Variants in HS3ST4 observed in about 807,000 individuals in gnomAD.
The protein encoded by HS3ST4 is heparan sulfate glucosamine 3-O-sulfotransferase 4.
HS3ST4 carries 17 observed loss-of-function variants against 29.2 expected under a neutral mutation model. That is an observed-to-expected ratio of 0.58 (90% CI 0.40 to 0.87). The LOEUF (loss-of-function observed/expected upper bound fraction) is 0.87. HS3ST4 is among the 40% of genes least tolerant of loss of function. The pLI is 0.00. For synonymous variants in HS3ST4, 314 were observed against 285.7 expected (o/e 1.10, Z -1.00); for missense variants, 627 against 634.5 (o/e 0.99, Z 0.13).
At chr16:25,752,804 C>A (rs1966730680) in intron 1 of HS3ST4, among the ~76,000 whole-genome samples, 1 of 152,160 alleles carries the variant, frequency 6.6e-6, no homozygotes, top group Non-Finnish European at 1.5e-5. Context: ...ATATCTGCAC[C>A]AGCTAGTCTT....
intron 1 of HS3ST4, among the ~76,000 whole-genome samples, chr16:25,818,364 C>T (rs1443514077): frequency 2.0e-5 from 3 of 152,146 alleles, no homozygotes; most frequent in Non-Finnish European, 4.4e-5. Context: ...CATCTATAAA[C>T]CAGAAAGCAG....
Position 25,741,594 on chromosome 16 carries a change from A to G in HS3ST4, c.734+48443A>G, listed in dbSNP as rs549114366. On this transcript the variant is annotated intron_variant, in intron 1 of 1. Coordinates refer to ENST00000331351, the MANE Select transcript of HS3ST4 (RefSeq NM_006040.3). ...CTTATAAAACCCTTTTGTCTGCAGTATTTCATTTAATTGATTCAAATAATT... is the reference window on the plus strand; with the variant it reads ...CTTATAAAACCCTTTTGTCTGCAGTGTTTCATTTAATTGATTCAAATAATT... Among the ~76,000 whole-genome samples the G allele has an allele frequency of 7.2e-5, 11 of 152,224 alleles. No homozygotes were observed. The South Asian group carries it at 1.5e-3, about 20-fold the overall frequency.
At chr16:25,826,846 C>T (rs1174988804) in intron 1 of HS3ST4, among the ~76,000 whole-genome samples, 1 of 152,018 alleles carries the variant, frequency 6.6e-6, no homozygotes, top group Non-Finnish European at 1.5e-5. Flanking sequence ...CTTTATAAAT[C>T]AGACATGCTT....
intron 1 of HS3ST4, among the ~76,000 whole-genome samples, chr16:25,991,355 C>T (rs564040540): frequency 3.9e-5 from 6 of 152,178 alleles, no homozygotes; most frequent in South Asian, 2.1e-4. Context: ...ATATTTAACA[C>T]GTTTAATCAC....
chr16:26,011,630 G>A (rs113781893), intron 1 of HS3ST4, among the ~76,000 whole-genome samples: 92 of 151,998 alleles, frequency 6.1e-4, no homozygotes, highest in African/African-American at 2.1e-3. Context: ...CTCAGCCTGC[G>A]TTTGGTTGAT....
rs1966848489 is a variant in HS3ST4 at position 25,777,409 on chromosome 16, C to T, written c.734+84258C>T. On this transcript the variant is annotated intron_variant, in intron 1 of 1. Coordinates refer to ENST00000331351, the MANE Select transcript of HS3ST4 (RefSeq NM_006040.3). ...ACTGGAGATACAGCAGAAAGCACAC[C>T]AAAGTGTGTGTGTGTGTGTGTGTGT... 2.4e-5 allele frequency among the ~76,000 whole-genome samples: 3 copies of T among 127,382 alleles called. 1 individual carries two copies. Among genetic ancestry groups the T allele is most frequent in the Admixed American group, 8.3e-5 (1 of 11,984 alleles). The allele number at this position is 127,382 out of a possible 152,430, so 83.6% of individuals were successfully genotyped here.
intron 1 of HS3ST4, among the ~76,000 whole-genome samples, chr16:26,046,252 G>A (rs2141762191): frequency 6.6e-6 from 1 of 150,664 alleles, no homozygotes; most frequent in African/African-American, 2.4e-5. Flanking sequence ...CCAGGTTCAA[G>A]CGATTCTCCT....
chr16:25,910,013 G>A (rs1389692510), intron 1 of HS3ST4, among the ~76,000 whole-genome samples: 2 of 152,066 alleles, frequency 1.3e-5, no homozygotes, highest in Non-Finnish European at 2.9e-5. Context: ...TTTCAGGCAG[G>A]AGCCACTGTA....
intron 1 of HS3ST4, among the ~76,000 whole-genome samples, chr16:26,050,507 C>T (rs534020161): frequency 3.9e-5 from 6 of 152,178 alleles, no homozygotes; most frequent in African/African-American, 1.4e-4. Flanking sequence ...AAGCAAATAG[C>T]GAATGATAAA....
chr16:25,696,070 A>G (rs547129560), intron 1 of HS3ST4, among the ~76,000 whole-genome samples: 2 of 152,220 alleles, frequency 1.3e-5, no homozygotes, highest in African/African-American at 4.8e-5. Flanking sequence ...ATAAAAATAC[A>G]TCTGAGATTA....
chr16:25,713,085 G>A (rs779256914), intron 1 of HS3ST4, among the ~76,000 whole-genome samples: 1 of 151,700 alleles, frequency 6.6e-6, no homozygotes, highest in Non-Finnish European at 1.5e-5. Context: ...TGTAAGTTCT[G>A]GGATACACAT....
intron 1 of HS3ST4, among the ~76,000 whole-genome samples, chr16:25,796,838 A>G (rs1318194805): frequency 6.6e-6 from 1 of 152,202 alleles, no homozygotes; most frequent in Non-Finnish European, 1.5e-5. Context: ...CAGAAATAGA[A>G]AATGGGAGGT....
chr16:26,071,398 C>G (rs187276019), intron 1 of HS3ST4, among the ~76,000 whole-genome samples: 47 of 152,222 alleles, frequency 3.1e-4, no homozygotes, highest in Non-Finnish European at 8.8e-5. Context: ...GTTGAGGAAT[C>G]TAAGTCCAAG....
intron 1 of HS3ST4, among the ~76,000 whole-genome samples, chr16:25,920,782 T>C (rs558694135): frequency 1.6e-5 from 2 of 123,158 alleles, no homozygotes; most frequent in South Asian, 2.6e-4. Flanking sequence ...TTGTGTTCTA[T>C]TTTTTTTGGT....
intron 1 of HS3ST4, among the ~76,000 whole-genome samples, chr16:25,904,005 A>G (rs1443125243): frequency 6.6e-6 from 1 of 152,242 alleles, no homozygotes; most frequent in Non-Finnish European, 1.5e-5. Context: ...GGGTGGATAA[A>G]TGAATAAGTG....
chr16:25,939,693 G>A (rs1477346585), intron 1 of HS3ST4, among the ~76,000 whole-genome samples: 3 of 152,122 alleles, frequency 2.0e-5, no homozygotes, highest in Non-Finnish European at 2.9e-5. Context: ...GTGGAGAGAC[G>A]CTTGCCATAC....
chr16:25,693,018 C>T lies in HS3ST4; in HGVS notation c.601C>T (p.Leu201Phe), dbSNP rs781737725. Residue 201 changes from leucine (L) to phenylalanine (F), a missense_variant, in exon 1 of 2, where the codon CTC (leucine) becomes TTC (phenylalanine). Transcript: ENST00000331351. ...DYGEKKLPQA[L>F]IIGVKKGGTR... ...TGGGGAGAAGAAGCTGCCACAGGCG[C>T]TCATCATCGGGGTCAAGAAAGGAGG... The T allele has an allele frequency of 1.9e-6, 3 of 1,611,586 alleles. No individual in the cohort carries two copies. The highest frequency in any genetic ancestry group is 2.5e-6 in the Non-Finnish European group (3 of 1,179,226).
intron 1 of HS3ST4, among the ~76,000 whole-genome samples, chr16:25,803,199 T>A (rs901788918): frequency 6.6e-6 from 1 of 152,186 alleles, no homozygotes; most frequent in African/African-American, 2.4e-5. Flanking sequence ...AGTGTTGTTG[T>A]GTGATCCACA....
chr16:26,119,456 T>C (rs990870514), intron 1 of HS3ST4, among the ~76,000 whole-genome samples: 2 of 152,110 alleles, frequency 1.3e-5, no homozygotes, highest in African/African-American at 4.8e-5. Flanking sequence ...GCAGGGTGCG[T>C]AAGGAAACAA....
Sources: gnomAD v4.1 joint callset for allele counts (sites outside exome capture counted in the v4.1 genomes callset) on GRCh38, gnomAD v4.1.1 for gene constraint, MANE v1.5 for transcripts, NCBI Gene and HGNC (gene_info 2026-07-23, HGNC 2026-07-21) for gene names.